RYR2: variants seen among roughly 807,000 people sequenced by gnomAD.
The protein encoded by RYR2 is ryanodine receptor 2.
Under a neutral mutation model 601.1 loss-of-function variants are expected in RYR2, and 227 were observed. The ratio of observed to expected loss-of-function variants is 0.38; its 90% CI spans 0.34 to 0.42. RYR2 has a LOEUF of 0.42. Among genes scored for constraint, RYR2 ranks in the 10% least tolerant of loss-of-function variants. The pLI, the probability that RYR2 is intolerant of heterozygous loss-of-function variation, is 1.00. For synonymous variants in RYR2, 2,223 were observed against 2,175.1 expected, an observed-to-expected ratio of 1.02 and a Z score of -0.61; for missense variants, 4,646 against 6,156.5, an observed-to-expected ratio of 0.75 and a Z score of 8.21.
intron 1 of RYR2, among the ~76,000 whole-genome samples, chr1:237,206,047 C>T (rs757919450): frequency 4.3e-4 from 65 of 152,312 alleles, no homozygotes; most frequent in Admixed American, 3.1e-3. Flanking sequence ...GTCCACCAAG[C>T]GGGTGCTCCA....
intron 1 of RYR2, among the ~76,000 whole-genome samples, chr1:237,057,208 C>T (rs769715946): frequency 2.0e-5 from 3 of 151,448 alleles, no homozygotes; most frequent in Admixed American, 6.6e-5. Flanking sequence ...TTTTTTTGGA[C>T]GGAATCTTGC....
intron 10 of RYR2, among the ~76,000 whole-genome samples, chr1:237,407,810 G>T (rs1252944082): frequency 6.6e-6 from 1 of 151,798 alleles, no homozygotes; most frequent in Non-Finnish European, 1.5e-5. Flanking sequence ...TAGAGATGGG[G>T]TTTCACCGTG....
chr1:237,460,630 G>A (rs2127153), intron 16 of RYR2, among the ~76,000 whole-genome samples: 73,475 of 152,026 alleles, frequency 0.48, 18,854 homozygotes, highest in East Asian at 0.65. Context: ...GATTTCCATT[G>A]ACTTTTCTGT....
rs1054912061 is a variant in RYR2, at chr1:237,590,131, G to A, written c.3807+130G>A. The stretch of plus-strand genomic sequence containing the variant: ...GATGACCTTGATGTGTTATATAGTA[G>A]TGGAATCTAAGCAAAGATGGTACTT... On this transcript the variant is annotated intron_variant, in intron 30 of 104. Coordinates refer to ENST00000366574, the MANE Select transcript of RYR2 (RefSeq NM_001035.3). The A allele has an allele frequency of 1.4e-5, 12 of 828,512 alleles. No homozygotes were observed. The African/African-American group carries it at 1.7e-4, about 12-fold the overall frequency. 51.3% of individuals were successfully genotyped at this position (828,512 alleles called of 1,614,324 possible).
rs1688657431 is a variant in RYR2 at position 237,709,546 on chromosome 1, T to C, written c.10209T>C (p.Phe3403=). The stretch of plus-strand genomic sequence containing the variant: ...TCTTCCGCATGGTGGCTGAAGTGTT[T>C]ATCTACTGGTCGAAGTCCCATGTGA... ...EELFRMVAEV[F]IYWSKSHNFK... The change falls in exon 70 of 105, where the codon TTT becomes TTC. Residue 3403 remains phenylalanine, a synonymous_variant. Coordinates refer to ENST00000366574, the MANE Select transcript of RYR2 (RefSeq NM_001035.3). 2 of 1,610,060 alleles carry C rather than the reference T, an allele frequency of 1.2e-6. No homozygotes were observed. Among genetic ancestry groups the C allele is most frequent in the South Asian group, 1.1e-5 (1 of 90,186 alleles).
chr1:237,702,855 G>A (rs1688077434), intron 66 of RYR2, among the ~76,000 whole-genome samples: 1 of 151,942 alleles, frequency 6.6e-6, no homozygotes, highest in Non-Finnish European at 1.5e-5. Context: ...AGTTAAAATA[G>A]GATGACAGTT....
At chr1:237,220,104 T>A (rs1683642766) in intron 1 of RYR2, among the ~76,000 whole-genome samples, 1 of 152,214 alleles carries the variant, frequency 6.6e-6, no homozygotes, top group Admixed American at 6.5e-5. Context: ...GATGCCTGGA[T>A]GGCTGGTGAA....
At chr1:237,274,351 T>C (rs1349324892) in intron 2 of RYR2, among the ~76,000 whole-genome samples, 1 of 151,372 alleles carries the variant, frequency 6.6e-6, no homozygotes, top group Admixed American at 6.6e-5. Flanking sequence ...ATTTCAATCT[T>C]GTGTAGGCCT....
chr1:237,819,201 C>G lies in RYR2; in HGVS notation c.14590+9C>G, dbSNP rs779016041. On this transcript the variant is annotated intron_variant, in intron 101 of 104. Coordinates refer to ENST00000366574, the MANE Select transcript of RYR2 (RefSeq NM_001035.3). The surrounding 1 kb of genome is among the most constrained non-coding windows in gnomAD (Gnocchi z 4.0). ...CTTGGCCATAATACAAGGTAAGTAT[C>G]CTCCTCACTGAAGCTGATGAACATC... 12 of 1,609,746 alleles carry G rather than the reference C, an allele frequency of 7.5e-6. No homozygotes were observed. In the South Asian group the frequency reaches 1.3e-4, roughly 18 times the overall value.
chr1:237,549,273 C>G (rs1670133259), intron 26 of RYR2, among the ~76,000 whole-genome samples: 1 of 152,062 alleles, frequency 6.6e-6, no homozygotes, highest in African/African-American at 2.4e-5. Flanking sequence ...GAAGAAAAGA[C>G]AAGACAAAAC....
chr1:237,595,823 C>G (rs926739241), intron 34 of RYR2, among the ~76,000 whole-genome samples, 166 bp downstream of exon 34: 2 of 152,190 alleles, frequency 1.3e-5, no homozygotes, highest in South Asian at 4.1e-4. Context: ...CTCCTCATAG[C>G]TGTCCCAGCC....
At chr1:237,383,258 T>G (rs918974158) in intron 8 of RYR2, among the ~76,000 whole-genome samples, 1 of 152,026 alleles carries the variant, frequency 6.6e-6, no homozygotes, top group Non-Finnish European at 1.5e-5. Context: ...GCTAAAGAAC[T>G]CCTGGAAGGT....
intron 101 of RYR2, among the ~76,000 whole-genome samples, chr1:237,822,286 C>T (rs1255520625): frequency 2.0e-5 from 3 of 152,128 alleles, no homozygotes; most frequent in Non-Finnish European, 2.9e-5. Flanking sequence ...AGAGAAAGGT[C>T]GGGTTACCGA....
intron 4 of RYR2, among the ~76,000 whole-genome samples, chr1:237,364,020 A>C (rs1034413825): frequency 1.3e-5 from 2 of 152,190 alleles, no homozygotes; most frequent in African/African-American, 2.4e-5. Flanking sequence ...TTTTTTAAAA[A>C]GCATTTGCAG....
At chr1:237,351,559 A>G (rs2149673622) in intron 3 of RYR2, among the ~76,000 whole-genome samples, 1 of 152,172 alleles carries the variant, frequency 6.6e-6, no homozygotes, top group South Asian at 2.1e-4. Flanking sequence ...TACTGTGACT[A>G]GCTTTGTTCC....
intron 51 of RYR2, among the ~76,000 whole-genome samples, chr1:237,652,279 A>G (rs1203860390): frequency 6.6e-6 from 1 of 152,106 alleles, no homozygotes; most frequent in African/African-American, 2.4e-5. Flanking sequence ...AATCACTGGT[A>G]TTTTCTCTAA....
chr1:237,401,113 C>T (rs527377312), intron 10 of RYR2, among the ~76,000 whole-genome samples: 2 of 152,220 alleles, frequency 1.3e-5, no homozygotes, highest in African/African-American at 2.4e-5. Context: ...CTATGGCCCT[C>T]GTCTGTCAAT....
intron 1 of RYR2, among the ~76,000 whole-genome samples, chr1:237,135,356 T>C (rs1274408857): frequency 6.6e-6 from 1 of 151,736 alleles, no homozygotes; most frequent in African/African-American, 2.4e-5. Context: ...CATCCCCTTG[T>C]TGGTTTTTTT....
In RYR2 at chr1:237,677,197, C is replaced by T. The variant is rs550741661; in HGVS notation, c.8831-851C>T. Among the ~76,000 whole-genome samples, 4 of 152,242 alleles carry T rather than the reference C, an allele frequency of 2.6e-5. No homozygotes were observed. The East Asian group carries it at 7.7e-4, about 29-fold the overall frequency. On this transcript the variant is annotated intron_variant, in intron 60 of 104. Transcript: ENST00000366574. ...CAAAATAACTTCTTCAAGCAAAAGT[C>T]AGCTTGGCTCTTGAATATCTGGAAG...
Sources: gnomAD v4.1 joint callset for allele counts (sites outside exome capture counted in the v4.1 genomes callset) on GRCh38, gnomAD v4.1.1 for gene constraint, Gnocchi (gnomAD v3.1) non-coding constraint, MANE v1.5 for transcripts, NCBI Gene and HGNC (gene_info 2026-07-23, HGNC 2026-07-21) for gene names.